The following SAMD5 variants were observed in gnomAD, a reference collection of about 807,000 sequenced individuals.
SAMD5 encodes the protein sterile alpha motif domain containing 5.
Under a neutral mutation model 11.3 loss-of-function variants are expected in SAMD5, and 13 were observed. The observed-to-expected ratio is 1.15, with a 90% confidence interval of 0.75 to 1.83. The LOEUF is 1.83. Ranked by LOEUF, SAMD5 falls within the 40% of genes most tolerant of loss-of-function variation. The pLI is 0.00. For synonymous variants in SAMD5, 129 were observed against 111.3 expected (o/e 1.16, Z -1.00); for missense variants, 255 against 239.1 (o/e 1.07, Z -0.44).
chr6:147,762,967 G>A, the SAMD5 span, among the ~76,000 whole-genome samples: 1 of 151,892 alleles, frequency 6.6e-6, no homozygotes, highest in African/African-American at 2.4e-5. Flanking sequence ...ACAGAAATTG[G>A]GAATCATAGC....
chr6:147,757,023 A>G, the SAMD5 span, among the ~76,000 whole-genome samples: 1 of 152,212 alleles, frequency 6.6e-6, no homozygotes, highest in South Asian at 2.1e-4. Context: ...TTGTTCCGAC[A>G]TAAAGCAATA....
chr6:147,612,341 A>G (rs1789800120), intron 1 of SAMD5, among the ~76,000 whole-genome samples: 1 of 152,164 alleles, frequency 6.6e-6, no homozygotes, highest in Admixed American at 6.5e-5. Context: ...ATACTAACCT[A>G]ATGGCCTAAA....
At chr6:147,547,371 T>C (rs546484499) in intron 1 of SAMD5, among the ~76,000 whole-genome samples, 193 of 152,060 alleles carry the variant, frequency 1.3e-3, no homozygotes, top group African/African-American at 4.4e-3. Flanking sequence ...TATCTGGAGG[T>C]TCTGGGGGCA....
At chr6:147,512,480 T>C (rs1788105221) in intron 1 of SAMD5, among the ~76,000 whole-genome samples, 1 of 152,138 alleles carries the variant, frequency 6.6e-6, no homozygotes, top group Non-Finnish European at 1.5e-5. Context: ...CCTGAAAGGA[T>C]TGTAGGATTT....
At chr6:147,772,397 T>A in the SAMD5 span, among the ~76,000 whole-genome samples, 1 of 152,130 alleles carries the variant, frequency 6.6e-6, no homozygotes, top group Non-Finnish European at 1.5e-5. Flanking sequence ...CACATTTAAA[T>A]GCCTGAGCTC....
At chr6:147,666,198 A>G (rs1280882626) in intron 1 of SAMD5, among the ~76,000 whole-genome samples, 1 of 152,174 alleles carries the variant, frequency 6.6e-6, no homozygotes, top group Non-Finnish European at 1.5e-5. Context: ...CAGTCTCCCG[A>G]AGTGCTCGGA....
intron 1 of SAMD5, among the ~76,000 whole-genome samples, chr6:147,552,694 TG>T (rs967040991): frequency 4.9e-4 from 74 of 152,312 alleles, no homozygotes; most frequent in Non-Finnish European, 7.8e-4. Flanking sequence ...TGTGTGTGTT[TG>T]TGCACATGCA....
At chr6:147,910,884 G>A in the SAMD5 span, among the ~76,000 whole-genome samples, 142 of 152,268 alleles carry the variant, frequency 9.3e-4, no homozygotes, top group African/African-American at 3.2e-3. Flanking sequence ...ACACAGTAGT[G>A]CATACAACTA....
chr6:147,904,898 T>C, the SAMD5 span, among the ~76,000 whole-genome samples: 1 of 152,192 alleles, frequency 6.6e-6, no homozygotes, highest in African/African-American at 2.4e-5. Flanking sequence ...TGCCTTTTTT[T>C]TTTTTTTGAG....
the SAMD5 span, among the ~76,000 whole-genome samples, chr6:147,938,942 C>A: frequency 2.6e-5 from 4 of 152,134 alleles, no homozygotes; most frequent in African/African-American, 9.7e-5. Flanking sequence ...GGGCTGAGTT[C>A]CACAAGACTG....
At chr6:147,760,590 GA>G in the SAMD5 span, among the ~76,000 whole-genome samples, 2 of 152,214 alleles carry the variant, frequency 1.3e-5, no homozygotes, top group Non-Finnish European at 2.9e-5. Flanking sequence ...TTGCCAGTGG[GA>G]ACACAATCAA....
chr6:147,934,588 A>G, the SAMD5 span, among the ~76,000 whole-genome samples: 1 of 152,060 alleles, frequency 6.6e-6, no homozygotes. Context: ...TGGGGAGTGC[A>G]GGGGAGGACT....
the SAMD5 span, chr6:147,743,323 T>A: frequency 1.3e-5 from 2 of 152,152 alleles, no homozygotes; most frequent in African/African-American, 4.8e-5. Flanking sequence ...CTGGCTAACA[T>A]GGTGAAACTC....
chr6:147,859,561 TA>T, the SAMD5 span, among the ~76,000 whole-genome samples: 2 of 152,202 alleles, frequency 1.3e-5, no homozygotes, highest in African/African-American at 2.4e-5. Context: ...GGCTAAAAGA[TA>T]AAACAATTAT....
At chr6:147,943,953 C>T in the SAMD5 span, among the ~76,000 whole-genome samples, 1 of 152,148 alleles carries the variant, frequency 6.6e-6, no homozygotes, top group Non-Finnish European at 1.5e-5. Context: ...TGTGCTGACT[C>T]CTGATGGACC....
chr6:147,672,328 G>A (rs79571642), intron 1 of SAMD5, among the ~76,000 whole-genome samples: 11,541 of 152,072 alleles, frequency 0.076, 565 homozygotes, highest in East Asian at 0.2. Flanking sequence ...TTCTTGGATT[G>A]AGAAATTCTT....
the SAMD5 span, among the ~76,000 whole-genome samples, chr6:147,865,258 G>A: frequency 6.6e-6 from 1 of 151,830 alleles, no homozygotes; most frequent in Non-Finnish European, 1.5e-5. Context: ...GTGTATGTGT[G>A]TAGGTACATG....
intron 1 of SAMD5, among the ~76,000 whole-genome samples, chr6:147,673,050 T>C (rs1790815604): frequency 6.6e-6 from 1 of 152,184 alleles, no homozygotes; most frequent in Non-Finnish European, 1.5e-5. Flanking sequence ...TTTTGTTGGC[T>C]AGAACTTCTA....
At chr6:147,855,241 A>C in the SAMD5 span, among the ~76,000 whole-genome samples, 1 of 152,178 alleles carries the variant, frequency 6.6e-6, no homozygotes, top group Non-Finnish European at 1.5e-5. Context: ...GAAATAAATG[A>C]AGACGCTGAT....
Sources: gnomAD v4.1 joint callset for allele counts (sites outside exome capture counted in the v4.1 genomes callset) on GRCh38, gnomAD v4.1.1 for gene constraint, MANE v1.5 for transcripts, NCBI Gene and HGNC (gene_info 2026-07-23, HGNC 2026-07-21) for gene names.